The following SND1 variants were observed in gnomAD, a reference collection of about 807,000 sequenced individuals.
SND1 encodes the protein staphylococcal nuclease and tudor domain containing 1.
SND1 carries 38 observed loss-of-function variants against 121.7 expected under a neutral mutation model. That is an observed-to-expected ratio of 0.31 (90% CI 0.24 to 0.41). The LOEUF is 0.41. Ranked by LOEUF, SND1 falls within the 10% of genes least tolerant of loss-of-function variation. SND1 has a pLI of 1.00. For missense variants in SND1, 868 were observed against 1,184.6 expected, an observed-to-expected ratio of 0.73 and a Z score of 3.92; for synonymous variants, 401 against 447.4, an observed-to-expected ratio of 0.90 and a Z score of 1.31.
chr7:127,944,314 G>C (rs1801279155), intron 15 of SND1, among the ~76,000 whole-genome samples: 1 of 152,242 alleles, frequency 6.6e-6, no homozygotes, highest in African/African-American at 2.4e-5. Flanking sequence ...GTCACTAGCA[G>C]CTGTTGCAAG....
chr7:127,783,352 CT>C (rs1255800831), intron 10 of SND1, among the ~76,000 whole-genome samples: 1 of 152,156 alleles, frequency 6.6e-6, no homozygotes, highest in African/African-American at 2.4e-5. Context: ...CAGGCTTTCC[CT>C]TTTTGGTGAT....
intron 1 of SND1, among the ~76,000 whole-genome samples, chr7:127,679,533 A>G (rs1795674748): frequency 6.6e-6 from 1 of 152,180 alleles, no homozygotes; most frequent in African/African-American, 2.4e-5. Flanking sequence ...AATCACTACT[A>G]ATTTGGAATA....
chr7:127,654,019 G>A (rs760953997), intron 1 of SND1, among the ~76,000 whole-genome samples: 1 of 152,186 alleles, frequency 6.6e-6, no homozygotes, highest in African/African-American at 2.4e-5. Context: ...TGGCTCTCCG[G>A]TGTTGGGTTT....
chr7:127,759,182 C>T (rs1797254487), intron 10 of SND1, among the ~76,000 whole-genome samples: 1 of 152,058 alleles, frequency 6.6e-6, no homozygotes, highest in South Asian at 2.1e-4. Context: ...CGATAAGAAT[C>T]GTCAGAATGT....
At chr7:128,028,135 A>G (rs1803532588) in intron 16 of SND1, 2 of 152,650 alleles carry the variant, frequency 1.3e-5, no homozygotes, top group African/African-American at 4.8e-5. Flanking sequence ...CTGAAGAAAA[A>G]TATTATTGCC....
At position 127,808,902 on chromosome 7, in the gene SND1, G is replaced by T. The variant is rs10235358; in HGVS notation, c.1242+1329G>T. On this transcript the variant is annotated intron_variant, in intron 11 of 23. Coordinates refer to ENST00000354725, the MANE Select transcript of SND1 (RefSeq NM_014390.4). The stretch of plus-strand genomic sequence containing the variant: ...ATAGCCAAGGAATTTCTTCACAAGT[G>T]TGGGTTTCTATTGAAATTTATCTAA... Among the ~76,000 whole-genome samples the T allele has an allele frequency of 6.6e-3, 999 of 152,344 alleles. 11 individuals are homozygous for T. Among genetic ancestry groups the T allele is most frequent in the African/African-American group, 0.023 (949 of 41,588 alleles).
chr7:127,710,747 G>A (rs535972854), intron 9 of SND1, among the ~76,000 whole-genome samples: 1 of 152,090 alleles, frequency 6.6e-6, no homozygotes, highest in Non-Finnish European at 1.5e-5. Context: ...TAATTTTTCA[G>A]TTTAAGGGCA....
chr7:128,021,039 A>G lies in SND1; in HGVS notation c.1779+29983A>G, dbSNP rs538577617. Among the ~76,000 whole-genome samples, 11 of 152,156 alleles carry G rather than the reference A, an allele frequency of 7.2e-5. No individual in the cohort carries two copies. The East Asian group carries it at 1.9e-3, about 27-fold the overall frequency. On this transcript the variant is annotated intron_variant, in intron 16 of 23. Transcript: ENST00000354725. The stretch of plus-strand genomic sequence containing the variant: ...TGGTTCCTTCAACAGTCTCTTCCTT[A>G]GGTTATTTTTTTCCTCTCTCCTTTC...
At chr7:128,023,096 G>A (rs909132355) in intron 16 of SND1, among the ~76,000 whole-genome samples, 1 of 152,188 alleles carries the variant, frequency 6.6e-6, no homozygotes, top group Non-Finnish European at 1.5e-5. Flanking sequence ...TGCTTGCTAA[G>A]GCAGAGGAAT....
At chr7:127,781,386 C>T (rs980125856) in intron 10 of SND1, among the ~76,000 whole-genome samples, 1 of 152,102 alleles carries the variant, frequency 6.6e-6, no homozygotes, top group African/African-American at 2.4e-5. Flanking sequence ...TCCCCGCCCC[C>T]CCTTCATTAT....
chr7:128,084,080 G>A (rs1021866443), intron 18 of SND1, among the ~76,000 whole-genome samples: 7 of 152,204 alleles, frequency 4.6e-5, no homozygotes, highest in Non-Finnish European at 8.8e-5. Flanking sequence ...TGGAAGTCCT[G>A]TTCAGCATGT....
chr7:127,945,874 A>G (rs1419185813), intron 15 of SND1, among the ~76,000 whole-genome samples: 1 of 152,198 alleles, frequency 6.6e-6, no homozygotes, highest in Non-Finnish European at 1.5e-5. Flanking sequence ...TGAGAAAACT[A>G]AGGCCTGGGA....
At chr7:128,055,629 CTG>C (rs1454194764) in intron 16 of SND1, among the ~76,000 whole-genome samples, 4 of 152,192 alleles carry the variant, frequency 2.6e-5, no homozygotes, top group Non-Finnish European at 5.9e-5. Flanking sequence ...ATGCTGCTAA[CTG>C]GAGTGCTCCG....
chr7:127,889,667 C>T (rs574522712), intron 13 of SND1, among the ~76,000 whole-genome samples: 3 of 152,026 alleles, frequency 2.0e-5, no homozygotes, highest in Non-Finnish European at 2.9e-5. Context: ...ACCTCTCCTC[C>T]ACCTTCTCAC....
chr7:127,971,165 G>A (rs192728828), intron 15 of SND1, among the ~76,000 whole-genome samples: 25 of 152,156 alleles, frequency 1.6e-4, no homozygotes, highest in Non-Finnish European at 2.4e-4. Flanking sequence ...GAGTTATTTC[G>A]ATGTCACTTT....
At position 128,089,525 on chromosome 7, in the gene SND1, C is replaced by G. The variant is rs1183732485; in HGVS notation, c.2455C>G (p.Arg819Gly). The G allele has an allele frequency of 1.2e-6, 2 of 1,613,996 alleles. No homozygotes were observed. Among genetic ancestry groups the G allele is most frequent in the Non-Finnish European group, 1.7e-6 (2 of 1,179,978 alleles). Residue 819 changes from arginine (R) to glycine (G), a missense_variant, in exon 22 of 24, where the codon CGG becomes GGG. This residue lies in a region of SND1 where 743 missense variants were observed against 1,071.3 expected (regional missense o/e 0.69). Transcript: ENST00000354725. ...CACGGACGCCGTGGACAGCGTAGTT[C>G]GGGATATCCAGAACACTCAGTGCCT... ...ARTDAVDSVV[R>G]DIQNTQCLLN...
At chr7:127,756,471 GT>G (rs936479815) in intron 10 of SND1, among the ~76,000 whole-genome samples, 1 of 152,226 alleles carries the variant, frequency 6.6e-6, no homozygotes, top group African/African-American at 2.4e-5. Context: ...AAATAATATG[GT>G]GGGGGTATGT....
At chr7:127,752,990 T>C (rs1966517) in intron 10 of SND1, among the ~76,000 whole-genome samples, 143,940 of 152,242 alleles carry the variant, frequency 0.95, 68,479 homozygotes, top group Non-Finnish European at 1. Context: ...AGACAGCTGA[T>C]TTAGCATTGA....
intron 1 of SND1, among the ~76,000 whole-genome samples, chr7:127,672,562 G>A (rs1008119829): frequency 4.0e-5 from 6 of 151,562 alleles, no homozygotes; most frequent in African/African-American, 9.7e-5. Context: ...GCAGTGAGCC[G>A]AGATCGCACC....
Sources: allele counts gnomAD v4.1 joint callset (sites outside exome capture counted in the v4.1 genomes callset), GRCh38; gene constraint gnomAD v4.1.1; regional missense constraint gnomAD v4.1.1; transcripts MANE v1.5; gene names NCBI Gene and HGNC (gene_info 2026-07-23, HGNC 2026-07-21).